IGF2BP1: variants seen among roughly 807,000 people sequenced by gnomAD.
IGF2BP1 encodes insulin-like growth factor 2 mRNA-binding protein 1.
IGF2BP1 carries 11 observed loss-of-function variants against 74.9 expected under a neutral mutation model. That is an observed-to-expected ratio of 0.15 (90% CI 0.09 to 0.24). The LOEUF (loss-of-function observed/expected upper bound fraction) is 0.24. Ranked by LOEUF, IGF2BP1 falls within the 10% of genes least tolerant of loss-of-function variation. The pLI, the probability that IGF2BP1 is intolerant of heterozygous loss-of-function variation, is 1.00. For synonymous variants in IGF2BP1, 287 were observed against 281.8 expected (o/e 1.02, Z -0.18); for missense variants, 440 against 757.4 (o/e 0.58, Z 4.92).
intron 2 of IGF2BP1, among the ~76,000 whole-genome samples, chr17:49,012,143 G>A (rs1026877243): frequency 1.3e-5 from 2 of 152,070 alleles, no homozygotes; most frequent in Non-Finnish European, 2.9e-5. Context: ...GACCTCAGGC[G>A]ATCCGCCCTC....
chr17:49,044,207 CT>C, intron 11 of IGF2BP1, 121 bp downstream of exon 11: 1 of 1,357,946 alleles, frequency 7.4e-7, no homozygotes, highest in Non-Finnish European at 1.0e-6. Context: ...TATGAGGGAC[CT>C]TTCCCCCATG....
intron 2 of IGF2BP1, among the ~76,000 whole-genome samples, chr17:48,999,370 A>G (rs532588034): frequency 4.6e-5 from 7 of 152,022 alleles, no homozygotes; most frequent in African/African-American, 1.4e-4. Context: ...AAAAAAATAA[A>G]TAAGTTGGGG....
At chr17:49,019,581 C>G (rs950933857) in intron 2 of IGF2BP1, among the ~76,000 whole-genome samples, 3 of 151,898 alleles carry the variant, frequency 2.0e-5, no homozygotes, top group African/African-American at 7.3e-5. Context: ...CATATGTAGT[C>G]TGTTGTCATT....
intron 2 of IGF2BP1, among the ~76,000 whole-genome samples, chr17:49,025,359 G>GGGAATGTTAAC: frequency 1.2e-5 from 1 of 80,636 alleles, no homozygotes; most frequent in Non-Finnish European, 3.0e-5. Context: ...TGTGTGTGTT[G>GGGAATGTTAAC]GGAATGTTAA....
upstream of IGF2BP1, chr17:48,997,383 T>C (rs1452398741): frequency 1.9e-5 from 3 of 161,110 alleles, no homozygotes; most frequent in Non-Finnish European, 2.7e-5. The surrounding 1 kb of genome is among the most constrained non-coding windows in gnomAD (Gnocchi z 4.8). Context: ...TTTTTTTTTT[T>C]CCGCTCCATT....
At chr17:49,036,459 A>T (rs1035001493) in intron 5 of IGF2BP1, 4 of 152,110 alleles carry the variant, frequency 2.6e-5, no homozygotes, top group Middle Eastern at 3.4e-3. Context: ...TCAAAAAAAT[A>T]AAAAAATAAA....
At chr17:49,022,418 G>GCCCCT (rs1392289784) in intron 2 of IGF2BP1, among the ~76,000 whole-genome samples, 11 of 148,346 alleles carry the variant, frequency 7.4e-5, no homozygotes, top group Non-Finnish European at 1.0e-4. Context: ...CCCCCGCCCC[G>GCCCCT]CCCCTCCCGC....
At chr17:49,027,577 G>A (rs1377216607) in intron 4 of IGF2BP1, among the ~76,000 whole-genome samples, 5 of 152,170 alleles carry the variant, frequency 3.3e-5, no homozygotes, top group Non-Finnish European at 7.3e-5. Flanking sequence ...TGCCAGCCGG[G>A]CGCGGTGGCT....
At chr17:49,019,904 TTATATATATATATATATA>T (rs60753189) in intron 2 of IGF2BP1, among the ~76,000 whole-genome samples, 1,114 of 43,916 alleles carry the variant, frequency 0.025, 43 homozygotes, top group African/African-American at 0.042. Context: ...CCTGGCTAAT[TTATATATATATATATATA>T]TATATATATA....
rs1034591873 is a variant in IGF2BP1, at chr17:49,042,311, C to T, written c.1011C>T (p.Cys337=). 8 of 1,613,870 alleles carry T rather than the reference C, an allele frequency of 5.0e-6. No homozygotes were observed. Among genetic ancestry groups the T allele is most frequent in the Non-Finnish European group, 6.8e-6 (8 of 1,179,986 alleles). ...TGAAGGGGGCCATCGAGAATTGTTG[C>T]AGGGCCGAGCAGGAAATAATGAAGA... The part of the protein sequence containing the change: ...ITVKGAIENC[C]RAEQEIMKKV... The change falls in exon 9 of 15, where the codon TGC becomes TGT. Residue 337 remains cysteine (C), a synonymous_variant. Transcript: ENST00000290341.
chr17:49,000,271 C>T (rs1450153260), intron 2 of IGF2BP1, among the ~76,000 whole-genome samples: 1 of 152,094 alleles, frequency 6.6e-6, no homozygotes, highest in East Asian at 1.9e-4. Flanking sequence ...CTGGCCTTTT[C>T]CGGGTAGATG....
chr17:49,011,076 T>G (rs1246746501), intron 2 of IGF2BP1, among the ~76,000 whole-genome samples: 3 of 130,122 alleles, frequency 2.3e-5, no homozygotes, highest in Admixed American at 1.0e-4. Context: ...AGGTGGAGGT[T>G]GCAGTGAGCC....
At chr17:49,040,223 A>C (rs984882835) in intron 7 of IGF2BP1, 132 bp downstream of exon 7, 2 of 1,052,694 alleles carry the variant, frequency 1.9e-6, no homozygotes, top group Non-Finnish European at 2.8e-6. Flanking sequence ...GTAAACTGAG[A>C]AATAAAATCT....
intron 2 of IGF2BP1, among the ~76,000 whole-genome samples, chr17:49,002,723 A>G (rs1005947001): frequency 2.0e-5 from 3 of 149,206 alleles, no homozygotes; most frequent in Admixed American, 6.6e-5. Flanking sequence ...TTTGCTTTAC[A>G]TAAGTGAAAA....
chr17:49,014,148 T>C (rs1231645286), intron 2 of IGF2BP1: 4 of 141,936 alleles, frequency 2.8e-5, no homozygotes, highest in African/African-American at 1.1e-4. Context: ...CTCCCCCGCC[T>C]CAGCTGCCGC....
intron 4 of IGF2BP1, among the ~76,000 whole-genome samples, chr17:49,031,489 CT>C (rs1162597346): frequency 6.6e-6 from 1 of 151,290 alleles, no homozygotes. Context: ...GCCAGGTGTC[CT>C]TTTCTTTCTT....
At chr17:49,039,736 C>T (rs1257971521) in intron 6 of IGF2BP1, among the ~76,000 whole-genome samples, 3 of 152,196 alleles carry the variant, frequency 2.0e-5, no homozygotes, top group African/African-American at 7.2e-5. Context: ...CACCAACCAC[C>T]TGTGGATTGA....
chr17:49,011,254 A>C (rs2041616713), intron 2 of IGF2BP1, among the ~76,000 whole-genome samples: 1 of 151,616 alleles, frequency 6.6e-6, no homozygotes, highest in Admixed American at 6.6e-5. Flanking sequence ...GGAGGCATTC[A>C]GTGAGGATTC....
At chr17:49,009,178 G>A (rs922865831) in intron 2 of IGF2BP1, among the ~76,000 whole-genome samples, 3 of 151,816 alleles carry the variant, frequency 2.0e-5, no homozygotes, top group Non-Finnish European at 4.4e-5. Context: ...ATAGGTGTGC[G>A]CCAGCACCCC....
Sources: gnomAD v4.1 joint callset for allele counts (sites outside exome capture counted in the v4.1 genomes callset) on GRCh38, gnomAD v4.1.1 for gene constraint, Gnocchi (gnomAD v3.1) non-coding constraint, MANE v1.5 for transcripts, NCBI Gene and HGNC (gene_info 2026-07-23, HGNC 2026-07-21) for gene names.